The following GLRA2 variants were observed in gnomAD, a reference collection of about 807,000 sequenced individuals.
GLRA2 encodes the protein glycine receptor alpha 2.
A neutral mutation model predicts 31.6 loss-of-function variants in GLRA2; 11 were observed. The ratio of observed to expected loss-of-function variants is 0.35; its 90% CI spans 0.22 to 0.58. The LOEUF is 0.58. GLRA2 is among the 20% of genes least tolerant of loss of function. GLRA2 has a pLI of 0.84. For missense variants in GLRA2, 212 were observed against 351.8 expected (o/e 0.60, Z 3.18); for synonymous variants, 132 against 134.0 (o/e 0.99, Z 0.10).
chrX:14,469,090 G>A, the GLRA2 span, among the ~76,000 whole-genome samples: 23 of 111,604 alleles, frequency 2.1e-4, no homozygotes, highest in African/African-American at 5.5e-4. Flanking sequence ...AGTAGGTTGC[G>A]AAGATTTTCT....
chrX:14,671,242 C>T (rs1224334753), intron 7 of GLRA2, among the ~76,000 whole-genome samples: 6 of 111,355 alleles, frequency 5.4e-5, no homozygotes, highest in Non-Finnish European at 1.1e-4. Flanking sequence ...CTTTGCTATC[C>T]TGGTTCTAAA....
At chrX:14,535,522 A>G (rs1207429804) in intron 2 of GLRA2, among the ~76,000 whole-genome samples, 5 of 112,599 alleles carry the variant, frequency 4.4e-5, no homozygotes, top group Non-Finnish European at 9.4e-5. Context: ...GTGTTGAAGC[A>G]CAAGTGTATA....
At chrX:14,462,081 G>A in the GLRA2 span, among the ~76,000 whole-genome samples, 3 of 111,591 alleles carry the variant, frequency 2.7e-5, no homozygotes, top group East Asian at 2.8e-4. Flanking sequence ...TGTCTGTAAC[G>A]GATTTTATTT....
At chrX:14,648,297 A>G (rs890852233) in intron 7 of GLRA2, among the ~76,000 whole-genome samples, 3 of 111,843 alleles carry the variant, frequency 2.7e-5, no homozygotes, top group Non-Finnish European at 3.8e-5. Flanking sequence ...AGGTAAGTGT[A>G]CATATGATAT....
intron 7 of GLRA2, among the ~76,000 whole-genome samples, chrX:14,647,708 T>C (rs780471924): frequency 8.9e-6 from 1 of 112,706 alleles, no homozygotes; most frequent in South Asian, 3.6e-4. Flanking sequence ...TATGTGGTCA[T>C]TTATCTAGTC....
In GLRA2 at chrX:14,604,324, G is replaced by T; in HGVS notation, c.504G>T (p.Leu168Phe). The T allele has an allele frequency of 8.7e-7, 1 of 1,154,166 alleles. No individual in the cohort carries two copies. Among genetic ancestry groups the T allele is most frequent in the South Asian group, 1.8e-5 (1 of 55,362 alleles). ...GKVLYSIRLTLTLSCPMDLKN... is the reference protein window; with the variant it reads ...GKVLYSIRLTFTLSCPMDLKN... ...TTTTTTGTTTGCTAAGACTCACCTTGACCTTATCCTGTCCCATGGACTTGA... is the reference window on the plus strand; with the variant it reads ...TTTTTTGTTTGCTAAGACTCACCTTTACCTTATCCTGTCCCATGGACTTGA... Residue 168 changes from leucine to phenylalanine, a missense_variant, in exon 5 of 9, where the codon TTG becomes TTT. By Grantham distance (22) the Leu-to-Phe change is conservative. Coordinates refer to ENST00000218075, the MANE Select transcript of GLRA2 (RefSeq NM_002063.4).
intron 3 of GLRA2, among the ~76,000 whole-genome samples, chrX:14,579,752 C>A (rs1002262020): frequency 9.0e-6 from 1 of 111,672 alleles, no homozygotes; most frequent in African/African-American, 3.3e-5. Flanking sequence ...TCAAGGTTAG[C>A]TTTCCCATAT....
At chrX:14,464,804 C>A in the GLRA2 span, among the ~76,000 whole-genome samples, 1 of 111,771 alleles carries the variant, frequency 8.9e-6, no homozygotes, top group African/African-American at 3.3e-5. Flanking sequence ...ATCTGCCCAC[C>A]TCGGCCTCCC....
chrX:14,452,127 TAACA>T, the GLRA2 span, among the ~76,000 whole-genome samples: 2 of 112,400 alleles, frequency 1.8e-5, no homozygotes, highest in African/African-American at 6.5e-5. Context: ...TATATCCATG[TAACA>T]AACCTGCATA....
intron 2 of GLRA2, among the ~76,000 whole-genome samples, chrX:14,559,012 AC>A (rs1201758504): frequency 1.2e-4 from 13 of 110,401 alleles, no homozygotes; most frequent in African/African-American, 4.3e-4. Context: ...TTTAGTAGAG[AC>A]GGGGTTTCGC....
intron 7 of GLRA2, among the ~76,000 whole-genome samples, chrX:14,611,871 C>T (rs1026632004): frequency 1.8e-5 from 2 of 111,852 alleles, no homozygotes; most frequent in Non-Finnish European, 3.8e-5. Context: ...TAGGTTGGTG[C>T]AAAAGTAATT....
chrX:14,451,318 A>G, the GLRA2 span, among the ~76,000 whole-genome samples: 228 of 111,050 alleles, frequency 2.1e-3, 1 homozygote, highest in Admixed American at 3.8e-3. Context: ...TGTAAATGGT[A>G]TAAATGACCC....
In GLRA2 at chrX:14,571,490, A is replaced by AT. The variant is rs1414634328; in HGVS notation, c.203-2839dup. 2.1e-4 allele frequency among the ~76,000 whole-genome samples: 23 copies of AT among 112,147 alleles called. 1 individual carries two copies. Among genetic ancestry groups the AT allele is most frequent in the African/African-American group, 6.4e-4 (20 of 31,012 alleles). On this transcript the variant is annotated intron_variant, in intron 2 of 8. Transcript: ENST00000218075. ...TAGGATAATTGTATTGGCCTCAGGC[A>AT]TTTTACCCCTGCAGTTAAGAAAAAT...
chrX:14,524,685 C>G (rs1057162260), upstream of GLRA2, among the ~76,000 whole-genome samples: 3 of 111,206 alleles, frequency 2.7e-5, no homozygotes, highest in Admixed American at 9.6e-5. Context: ...TCTTTTGACT[C>G]TTTCTTTGAG....
the GLRA2 span, among the ~76,000 whole-genome samples, chrX:14,453,140 T>C: frequency 8.9e-6 from 1 of 111,732 alleles, no homozygotes; most frequent in Admixed American, 9.5e-5. Context: ...TTAAGAAAAG[T>C]TTTATATTTC....
At chrX:14,722,427 T>G (rs1357843120) in intron 8 of GLRA2, among the ~76,000 whole-genome samples, 1 of 111,332 alleles carries the variant, frequency 9.0e-6, no homozygotes, top group Non-Finnish European at 1.9e-5. Context: ...GATTGGAGCT[T>G]CATCACTTTT....
chrX:14,611,837 C>G (rs971629748), intron 7 of GLRA2, among the ~76,000 whole-genome samples: 3 of 111,690 alleles, frequency 2.7e-5, no homozygotes, highest in African/African-American at 9.7e-5. Context: ...CATGTTCTCC[C>G]ATGTGAGGCC....
chrX:14,696,137 A>AGAAGGAAG (rs1438437829), intron 8 of GLRA2, among the ~76,000 whole-genome samples: 2 of 103,921 alleles, frequency 1.9e-5, no homozygotes, highest in African/African-American at 7.0e-5. Context: ...GTAGAAGGGA[A>AGAAGGAAG]GAAGGAAGGA....
At chrX:14,560,797 CAAAAAAA>C (rs760583127) in intron 2 of GLRA2, among the ~76,000 whole-genome samples, 7,073 of 40,960 alleles carry the variant, frequency 0.17, 253 homozygotes, top group East Asian at 0.22. Flanking sequence ...GACCCTGTCT[CAAAAAAA>C]AAAAAAAAAA....
Sources: gnomAD v4.1 joint callset for allele counts (sites outside exome capture counted in the v4.1 genomes callset) on GRCh38, gnomAD v4.1.1 for gene constraint, MANE v1.5 for transcripts, NCBI Gene and HGNC (gene_info 2026-07-23, HGNC 2026-07-21) for gene names.